The following GRTP1 variants were observed in gnomAD, a reference collection of about 807,000 sequenced individuals.
GRTP1 encodes the protein growth hormone regulated TBC protein 1, also known as growth hormone-regulated TBC protein 1.
GRTP1 carries 56 observed loss-of-function variants against 38.1 expected under a neutral mutation model. That is an observed-to-expected ratio of 1.47 (90% CI 1.19 to 1.84). The LOEUF (loss-of-function observed/expected upper bound fraction) is 1.84. GRTP1 is among the 40% of genes most tolerant of loss of function. The pLI, the probability that GRTP1 is intolerant of heterozygous loss-of-function variation, is 0.00. For missense variants in GRTP1, 506 were observed against 453.9 expected (o/e 1.11, Z -1.04); for synonymous variants, 217 against 189.5 (o/e 1.14, Z -1.19).
chr13:113,324,972 G>A, intron 7 of GRTP1: 1 of 523,672 alleles, frequency 1.9e-6, no homozygotes, highest in Non-Finnish European at 2.5e-6. Context: ...GACTACATAA[G>A]CGTGAGCCAC....
chr13:113,364,099 G>T lies in GRTP1; in HGVS notation c.-48C>A. 1 of 1,226,648 alleles carries T rather than the reference G, an allele frequency of 8.2e-7. No individual in the cohort carries two copies. Among genetic ancestry groups the T allele is most frequent in the African/African-American group, 1.7e-5 (1 of 58,678 alleles). 76.0% of individuals were successfully genotyped at this position (1,226,648 alleles called of 1,614,324 possible). A position where few individuals can be genotyped will look rare whatever the true frequency, so the allele number is the denominator to read the frequency against. ...AGCGAGGCCAGCGGGTCCCAAGTTCGCCTCCCGGCTCCGGGGCGCTTAAGT... is the reference window on the plus strand; with the variant it reads ...AGCGAGGCCAGCGGGTCCCAAGTTCTCCTCCCGGCTCCGGGGCGCTTAAGT... On this transcript the variant is annotated 5_prime_UTR_variant, in exon 1 of 8. Transcript: ENST00000375431.
intron 4 of GRTP1, among the ~76,000 whole-genome samples, chr13:113,350,482 C>A (rs2043242022): frequency 6.8e-6 from 1 of 148,114 alleles, no homozygotes; most frequent in South Asian, 2.2e-4. Context: ...ATATCCCATA[C>A]ACACACCCCA....
intron 4 of GRTP1, among the ~76,000 whole-genome samples, chr13:113,347,238 GCGGACC>G (rs1595498290): frequency 8.0e-5 from 5 of 62,556 alleles, no homozygotes; most frequent in South Asian, 5.7e-4. Flanking sequence ...GTGGCTGAGA[GCGGACC>G]TGGGAGGACC....
chr13:113,357,807 G>C (rs1043821517), intron 2 of GRTP1, among the ~76,000 whole-genome samples: 1 of 152,182 alleles, frequency 6.6e-6, no homozygotes, highest in Admixed American at 6.5e-5. Flanking sequence ...AACTGAGAGG[G>C]ACAGAAGCAG....
At chr13:113,324,710 G>A in intron 7 of GRTP1, 133 bp from the exon 8 acceptor site, 7 of 1,440,562 alleles carry the variant, frequency 4.9e-6, no homozygotes, top group Non-Finnish European at 6.4e-6. Context: ...GGGCTTCTGG[G>A]GTGACCCACA....
At chr13:113,338,042 G>C (rs1337187618) in intron 5 of GRTP1, among the ~76,000 whole-genome samples, 2 of 152,216 alleles carry the variant, frequency 1.3e-5, no homozygotes, top group African/African-American at 2.4e-5. Flanking sequence ...AGGATGTAGA[G>C]CGCTAATTCA....
At chr13:113,341,027 T>C (rs1440632690) in intron 5 of GRTP1, among the ~76,000 whole-genome samples, 1 of 152,020 alleles carries the variant, frequency 6.6e-6, no homozygotes, top group Non-Finnish European at 1.5e-5. Context: ...CACCTTTTCA[T>C]TTCTACTATA....
intron 5 of GRTP1, among the ~76,000 whole-genome samples, chr13:113,334,872 GAGT>G (rs2042932522): frequency 1.3e-5 from 2 of 152,148 alleles, no homozygotes; most frequent in African/African-American, 2.4e-5. Flanking sequence ...AGGCTGGATG[GAGT>G]GCAGTGGCGC....
intron 5 of GRTP1, 38 bp from the exon 6 acceptor site, chr13:113,326,129 C>T (rs565440644): frequency 9.4e-6 from 15 of 1,597,266 alleles, no homozygotes; most frequent in Non-Finnish European, 1.3e-5. Context: ...CGAGACACTC[C>T]CGTCACCTCC....
intron 5 of GRTP1, among the ~76,000 whole-genome samples, chr13:113,328,135 G>A (rs1013205622): frequency 1.3e-5 from 2 of 152,184 alleles, no homozygotes; most frequent in African/African-American, 4.8e-5. Context: ...GTTCCCAGGT[G>A]ACCACCTCAT....
chr13:113,327,844 G>C (rs909133277), intron 5 of GRTP1, among the ~76,000 whole-genome samples: 1 of 152,210 alleles, frequency 6.6e-6, no homozygotes. Flanking sequence ...TGGCAGGGGG[G>C]CTTGAGTGCC....
intron 3 of GRTP1, among the ~76,000 whole-genome samples, chr13:113,352,655 C>G (rs547092796): frequency 6.6e-6 from 1 of 152,022 alleles, no homozygotes; most frequent in African/African-American, 2.4e-5. Context: ...GGATTACAGG[C>G]GTGAGCCACC....
intron 3 of GRTP1, among the ~76,000 whole-genome samples, chr13:113,352,728 T>C (rs931938662): frequency 2.6e-5 from 4 of 152,322 alleles, no homozygotes; most frequent in African/African-American, 9.6e-5. Context: ...TCCATCTCCA[T>C]TGTGGAGACA....
chr13:113,327,790 G>A (rs1452776854), intron 5 of GRTP1, among the ~76,000 whole-genome samples: 1 of 152,202 alleles, frequency 6.6e-6, no homozygotes, highest in Non-Finnish European at 1.5e-5. Flanking sequence ...ATCAATCAGT[G>A]CCCACCCTGG....
At position 113,364,091 on chromosome 13, in the gene GRTP1, C is replaced by T; in HGVS notation, c.-40G>A. On this transcript the variant is annotated 5_prime_UTR_variant, in exon 1 of 8. Transcript: ENST00000375431. ...GCGCACCGAGCGAGGCCAGCGGGTCCCAAGTTCGCCTCCCGGCTCCGGGGC... is the reference window on the plus strand; with the variant it reads ...GCGCACCGAGCGAGGCCAGCGGGTCTCAAGTTCGCCTCCCGGCTCCGGGGC... The T allele has an allele frequency of 1.6e-6, 2 of 1,234,324 alleles. No homozygotes were observed. Among genetic ancestry groups the T allele is most frequent in the Admixed American group, 7.7e-5 (2 of 25,898 alleles). The allele number at this position is 1,234,324 out of a possible 1,614,324, so 76.5% of individuals were successfully genotyped here. A position where few individuals can be genotyped will look rare whatever the true frequency, so the allele number is the denominator to read the frequency against.
At chr13:113,356,759 T>C (rs1371792978) in intron 2 of GRTP1, among the ~76,000 whole-genome samples, 1 of 152,142 alleles carries the variant, frequency 6.6e-6, no homozygotes, top group African/African-American at 2.4e-5. Flanking sequence ...GGTAAAACTT[T>C]ATGAGCTCAA....
intron 5 of GRTP1, among the ~76,000 whole-genome samples, chr13:113,334,801 C>T (rs1194233156): frequency 1.3e-5 from 2 of 152,100 alleles, no homozygotes; most frequent in East Asian, 3.9e-4. Context: ...TCCTCTTTAA[C>T]TTCTGTAAGT....
At chr13:113,347,587 GCTGAGA>G (rs2043179763) in intron 4 of GRTP1, among the ~76,000 whole-genome samples, 1 of 35,196 alleles carries the variant, frequency 2.8e-5, no homozygotes, top group African/African-American at 1.2e-4. Context: ...GACCTCTGTG[GCTGAGA>G]ACAGACCCGG....
chr13:113,357,603 T>A (rs1162278931), intron 2 of GRTP1, among the ~76,000 whole-genome samples: 1 of 152,172 alleles, frequency 6.6e-6, no homozygotes, highest in Non-Finnish European at 1.5e-5. Context: ...GCTTTATTTT[T>A]AAAATTCTAC....
Sources: allele counts gnomAD v4.1 joint callset (sites outside exome capture counted in the v4.1 genomes callset), GRCh38; gene constraint gnomAD v4.1.1; transcripts MANE v1.5; gene names NCBI Gene and HGNC (gene_info 2026-07-23, HGNC 2026-07-21).